TTBK2: variants seen among roughly 807,000 people sequenced by gnomAD.
The protein encoded by TTBK2 is tau tubulin kinase 2, also known as tau-tubulin kinase 2.
In TTBK2, 28 loss-of-function variants were observed where a neutral mutation model predicts 110.8. The ratio of observed to expected loss-of-function variants is 0.25; its 90% CI spans 0.19 to 0.35. The LOEUF (loss-of-function observed/expected upper bound fraction) is 0.35, where lower values mean the gene tolerates loss of function less well. Among genes scored for constraint, TTBK2 ranks in the 10% least tolerant of loss-of-function variants. The probability of loss-of-function intolerance (pLI) is 1.00; values close to 1 mark genes in which losing one functional copy is unlikely to be tolerated. For missense variants in TTBK2, 1,369 were observed against 1,500.3 expected, an observed-to-expected ratio of 0.91 and a Z score of 1.45; for synonymous variants, 532 against 527.3, an observed-to-expected ratio of 1.01 and a Z score of -0.12.
At position 42,752,112 on chromosome 15, in the gene TTBK2, A is replaced by C; in HGVS notation, c.3134T>G (p.Ile1045Ser). 6.2e-7 allele frequency: 1 copy of C among 1,614,032 alleles called. No homozygotes were observed. The highest frequency in any genetic ancestry group is 8.5e-7 in the Non-Finnish European group (1 of 1,180,020). Residue 1045 changes from isoleucine (I) to serine (S), a missense_variant, in exon 14 of 15, where the codon ATC becomes AGC. This residue lies in a region of TTBK2 where 1,097 missense variants were observed against 1,114.7 expected (regional missense o/e 0.98). Coordinates refer to ENST00000267890, the MANE Select transcript of TTBK2 (RefSeq NM_173500.4). ...AATTTTGCTCTTTCTAGACTGGGAG[A>C]TGATGGGTGACAGAAAGCTATCTTC... ...SAEDSFLSPI[I>S]SQSRKSKIPR...
chr15:42,861,318 A>T (rs1894149381), intron 3 of TTBK2, among the ~76,000 whole-genome samples: 1 of 152,208 alleles, frequency 6.6e-6, no homozygotes, highest in Admixed American at 6.6e-5. Context: ...TCTTATCTGC[A>T]CATGGAACAT....
rs1208567342 is a variant in TTBK2 at position 42,872,492 on chromosome 15, C to G, written c.217+119G>C. 14 of 1,196,146 alleles carry G rather than the reference C, an allele frequency of 1.2e-5. No individual in the cohort carries two copies. In the Admixed American group the frequency reaches 3.0e-4, roughly 25 times the overall value. 74.1% of individuals were successfully genotyped at this position (1,196,146 alleles called of 1,614,324 possible). On this transcript the variant is annotated intron_variant, in intron 3 of 14. Coordinates refer to ENST00000267890, the MANE Select transcript of TTBK2 (RefSeq NM_173500.4). ...AGAAAAATGCTCAGCGTATTTATAC[C>G]CGGCTGACACCAGTACATTCAATTA...
At chr15:42,872,826 T>C in intron 2 of TTBK2, 68 bp from the exon 3 acceptor site, 1 of 1,543,418 alleles carries the variant, frequency 6.5e-7, no homozygotes, top group East Asian at 2.3e-5. Flanking sequence ...GCAATTGATC[T>C]CTTATATTTA....
intron 3 of TTBK2, among the ~76,000 whole-genome samples, chr15:42,851,553 C>A (rs1893713254): frequency 6.6e-6 from 1 of 151,910 alleles, no homozygotes; most frequent in African/African-American, 2.4e-5. Context: ...CAGTGAGTTG[C>A]AGAACAGCAT....
At chr15:42,896,664 C>T (rs1895679953) in intron 1 of TTBK2, among the ~76,000 whole-genome samples, 2 of 152,074 alleles carry the variant, frequency 1.3e-5, no homozygotes, top group East Asian at 1.9e-4. Flanking sequence ...CATGGTGGTA[C>T]GTGCCTGTAG....
chr15:42,869,972 T>A (rs1182832231), intron 3 of TTBK2, among the ~76,000 whole-genome samples: 2 of 151,680 alleles, frequency 1.3e-5, no homozygotes, highest in Admixed American at 6.6e-5. Flanking sequence ...AAGTCTGGAG[T>A]TACTCGCCTG....
intron 12 of TTBK2, 122 bp from the exon 13 acceptor site, chr15:42,775,845 A>G (rs1021598378): frequency 7.9e-6 from 6 of 761,310 alleles, no homozygotes; most frequent in Middle Eastern, 3.8e-4. Context: ...GATAAAGCAC[A>G]AGGAAAGTTT....
rs1043290289 is a variant in TTBK2, at chr15:42,744,418, G to A, written c.*1377C>T. ...AAACAGAAAGCACATATGTTTGCTAGAAGGCAAATTTCAACAGCAAGCAGA... is the reference window on the plus strand; with the variant it reads ...AAACAGAAAGCACATATGTTTGCTAAAAGGCAAATTTCAACAGCAAGCAGA... On this transcript the variant is annotated 3_prime_UTR_variant, in exon 15 of 15. Transcript: ENST00000267890. The A allele has an allele frequency of 1.3e-5, 2 of 152,442 alleles. No homozygotes were observed. The highest frequency in any genetic ancestry group is 4.1e-4 in the South Asian group (2 of 4,820). The allele number at this position is 152,442 out of a possible 1,614,324, so 9.4% of individuals were successfully genotyped here.
Position 42,741,721 on chromosome 15 carries a change from C to G in TTBK2, c.*4074G>C, listed in dbSNP as rs2061752537. On this transcript the variant is annotated 3_prime_UTR_variant, in exon 15 of 15. Coordinates refer to ENST00000267890, the MANE Select transcript of TTBK2 (RefSeq NM_173500.4). The stretch of plus-strand genomic sequence containing the variant: ...TTTAAAATATAAAAGACTTTGATCT[C>G]CAAGACTAAATCTAGACTTATCTGC... 6.6e-6 allele frequency: 1 copy of G among 152,150 alleles called. No homozygotes were observed. Among genetic ancestry groups the G allele is most frequent in the African/African-American group, 2.4e-5 (1 of 41,440 alleles). 9.4% of individuals were successfully genotyped at this position (152,150 alleles called of 1,614,324 possible).
chr15:42,830,009 G>A lies in TTBK2; in HGVS notation c.361C>T (p.Leu121=). ...ATAGACTCCAAAATCTGTCTACCCA[G>A]CCGGAGAGTGGTACTAATGGTGAAT... ...GTFTISTTLR[L]GRQILESIES... The change falls in exon 5 of 15, where the codon CTG becomes TTG. Residue 121 remains leucine (L), a synonymous_variant. Transcript: ENST00000267890. 3 of 1,614,080 alleles carry A rather than the reference G, an allele frequency of 1.9e-6. No homozygotes were observed. Among genetic ancestry groups the A allele is most frequent in the Non-Finnish European group, 2.5e-6 (3 of 1,180,004 alleles).
intron 13 of TTBK2, among the ~76,000 whole-genome samples, chr15:42,765,159 G>T (rs925433515): frequency 6.6e-6 from 1 of 152,182 alleles, no homozygotes; most frequent in Non-Finnish European, 1.5e-5. Flanking sequence ...AAGATGGGAA[G>T]AAACCAGAGC....
intron 1 of TTBK2, chr15:42,908,207 G>A (rs1381549540): frequency 1.3e-5 from 2 of 152,228 alleles, no homozygotes; most frequent in Non-Finnish European, 2.9e-5. Context: ...GAGGCAAGGT[G>A]GCTCATACCT....
chr15:42,883,299 C>A (rs1293974330), intron 1 of TTBK2, among the ~76,000 whole-genome samples: 1 of 151,256 alleles, frequency 6.6e-6, no homozygotes, highest in African/African-American at 2.4e-5. Context: ...GAGAATTGAA[C>A]CCAGAAGGTG....
intron 3 of TTBK2, among the ~76,000 whole-genome samples, chr15:42,859,500 G>A (rs911307250): frequency 2.0e-5 from 3 of 152,106 alleles, no homozygotes; most frequent in African/African-American, 7.2e-5. Flanking sequence ...CTAATGGGGT[G>A]CGGGGGGACT....
intron 1 of TTBK2, 40 bp from the exon 2 acceptor site, chr15:42,878,724 G>T (rs948350567): frequency 6.3e-7 from 1 of 1,591,340 alleles, no homozygotes; most frequent in Non-Finnish European, 8.5e-7. Context: ...AGTATTTAGG[G>T]TTAACTAATC....
intron 7 of TTBK2, among the ~76,000 whole-genome samples, chr15:42,815,600 A>G (rs1447343222): frequency 6.6e-6 from 1 of 151,912 alleles, no homozygotes; most frequent in Non-Finnish European, 1.5e-5. Flanking sequence ...GGACCAAAGT[A>G]AGGGGGTGAG....
In TTBK2 at chr15:42,798,245, G is replaced by C. The variant is rs913363526; in HGVS notation, c.823-3444C>G. ...CAAAGCACTTTCCCATCAGAACAGG[G>C]ACTCACTGTGGCAGTAATTCTCAAA... On this transcript the variant is annotated intron_variant, in intron 9 of 14. Transcript: ENST00000267890. The C allele has an allele frequency of 1.1e-5, 5 of 456,162 alleles. No homozygotes were observed. In the Admixed American group the frequency reaches 1.2e-4, roughly 11 times the overall value. The allele number at this position is 456,162 out of a possible 1,614,324, so 28.3% of individuals were successfully genotyped here.
chr15:42,748,074 T>C (rs2061819504), intron 14 of TTBK2, among the ~76,000 whole-genome samples: 1 of 152,182 alleles, frequency 6.6e-6, no homozygotes. Flanking sequence ...CACTAAACTT[T>C]TCTATCAAAC....
In TTBK2 at chr15:42,752,757, G is replaced by A. The variant is rs760767810; in HGVS notation, c.2489C>T (p.Thr830Ile). 9 of 1,614,170 alleles carry A rather than the reference G, an allele frequency of 5.6e-6. No homozygotes were observed. The South Asian group carries it at 9.9e-5, about 18-fold the overall frequency. Residue 830 changes from threonine (T) to isoleucine (I), a missense_variant, in exon 14 of 15, where the codon ACT becomes ATT. By Grantham distance (89) the Thr-to-Ile change is moderately conservative. Transcript: ENST00000267890. Reference sequence around the variant, plus strand: ...GTCTTGATTTGGCACCACACTAAAAGTCTGTGTTTTTGTCACATCAAGAGG... The same window carrying A: ...GTCTTGATTTGGCACCACACTAAAAATCTGTGTTTTTGTCACATCAAGAGG... ...TEPLDVTKTQ[T>I]FSVVPNQDKN...
Sources: allele counts gnomAD v4.1 joint callset (sites outside exome capture counted in the v4.1 genomes callset), GRCh38; gene constraint gnomAD v4.1.1; regional missense constraint gnomAD v4.1.1; transcripts MANE v1.5; gene names NCBI Gene and HGNC (gene_info 2026-07-23, HGNC 2026-07-21).